TNS3: variants seen among roughly 807,000 people sequenced by gnomAD.
TNS3 encodes tensin 3, also known as tensin-3.
TNS3 carries 45 observed loss-of-function variants against 140.9 expected under a neutral mutation model. The ratio of observed to expected loss-of-function variants is 0.32; its 90% CI spans 0.25 to 0.41. The LOEUF (loss-of-function observed/expected upper bound fraction) is 0.41, where lower values mean the gene tolerates loss of function less well. Ranked by LOEUF, TNS3 falls within the 10% of genes least tolerant of loss-of-function variation. TNS3 has a pLI of 1.00. For missense variants in TNS3, 1,716 were observed against 1,906.7 expected (o/e 0.90, Z 1.86); for synonymous variants, 815 against 788.4 (o/e 1.03, Z -0.56).
intron 20 of TNS3, among the ~76,000 whole-genome samples, chr7:47,339,211 A>C (rs1055979459): frequency 2.6e-5 from 4 of 152,210 alleles, no homozygotes; most frequent in African/African-American, 7.2e-5. Flanking sequence ...TAATTTTTAT[A>C]AAGTCTAATT....
At chr7:47,303,713 G>C in intron 21 of TNS3, 129 bp from the exon 22 acceptor site, 1 of 1,181,952 alleles carries the variant, frequency 8.5e-7, no homozygotes, top group Non-Finnish European at 1.2e-6. Context: ...GGCAGCACAG[G>C]AGGTATTTTC....
In TNS3 at chr7:47,278,420, C is replaced by A. The variant is rs1215980359; in HGVS notation, c.4194-200G>T. ...ACAGACCTACAGATGGGATGTCTGA[C>A]TCTAGCTCTGCAGTGAGGACCCTGA... is the stretch of plus-strand genomic sequence containing the variant. On this transcript the variant is annotated intron_variant, in intron 30 of 30. Coordinates refer to ENST00000311160, the MANE Select transcript of TNS3 (RefSeq NM_022748.12). The A allele has an allele frequency of 5.0e-6, 3 of 604,664 alleles. No homozygotes were observed. The African/African-American group carries it at 5.6e-5, about 11-fold the overall frequency. 37.5% of individuals were successfully genotyped at this position (604,664 alleles called of 1,614,324 possible). A position where few individuals can be genotyped will look rare whatever the true frequency, so the allele number is the denominator to read the frequency against.
intron 20 of TNS3, among the ~76,000 whole-genome samples, chr7:47,332,693 G>A (rs902229766): frequency 5.9e-5 from 9 of 152,240 alleles, no homozygotes; most frequent in African/African-American, 1.7e-4. Flanking sequence ...CGTATTCACA[G>A]GCTGAAATTT....
At chr7:47,381,282 C>G (rs1791743317) in intron 16 of TNS3, among the ~76,000 whole-genome samples, 1 of 152,232 alleles carries the variant, frequency 6.6e-6, no homozygotes, top group Non-Finnish European at 1.5e-5. Flanking sequence ...GTCTCTCTGT[C>G]TTTTGTGCGG....
At chr7:47,515,524 C>G (rs1209918675) in intron 2 of TNS3, among the ~76,000 whole-genome samples, 1 of 151,646 alleles carries the variant, frequency 6.6e-6, no homozygotes, top group Non-Finnish European at 1.5e-5. Flanking sequence ...AACATAATCA[C>G]CAGTGCCATG....
intron 4 of TNS3, among the ~76,000 whole-genome samples, chr7:47,467,760 A>T (rs553185780): frequency 1.3e-4 from 20 of 152,258 alleles, no homozygotes; most frequent in Non-Finnish European, 2.5e-4. Context: ...CCATATTTGA[A>T]GATAAGAAAA....
chr7:47,573,606 C>T (rs1335725877), intron 1 of TNS3, among the ~76,000 whole-genome samples: 1 of 152,002 alleles, frequency 6.6e-6, no homozygotes, highest in Admixed American at 6.5e-5. Context: ...TCTGCAAAGT[C>T]GCCCAGGATT....
chr7:47,329,107 C>T (rs532807165), intron 20 of TNS3, among the ~76,000 whole-genome samples: 6 of 152,270 alleles, frequency 3.9e-5, no homozygotes, highest in African/African-American at 7.2e-5. Flanking sequence ...TCCCGTGACC[C>T]GAAATCTGAC....
chr7:47,419,675 C>T (rs578009004), intron 10 of TNS3, among the ~76,000 whole-genome samples: 1 of 152,332 alleles, frequency 6.6e-6, no homozygotes, highest in Non-Finnish European at 1.5e-5. Flanking sequence ...TCCTCAATTA[C>T]TGCTAGAGAT....
At chr7:47,568,609 G>C (rs1482969803) in intron 1 of TNS3, among the ~76,000 whole-genome samples, 1 of 152,246 alleles carries the variant, frequency 6.6e-6, no homozygotes, top group Non-Finnish European at 1.5e-5. Flanking sequence ...ATTCATGCCA[G>C]TTACTTCCCT....
intron 9 of TNS3, among the ~76,000 whole-genome samples, chr7:47,426,888 G>A (rs1299752607): frequency 2.6e-5 from 4 of 152,092 alleles, no homozygotes; most frequent in African/African-American, 9.7e-5. Flanking sequence ...CACTTTGGCA[G>A]GCCGAGGTGA....
intron 17 of TNS3, among the ~76,000 whole-genome samples, chr7:47,360,870 A>G (rs1167907911): frequency 2.0e-5 from 3 of 152,148 alleles, no homozygotes; most frequent in Admixed American, 2.0e-4. Context: ...CACAGTACGG[A>G]AATAACGACA....
chr7:47,491,443 G>A (rs139518101), intron 3 of TNS3, among the ~76,000 whole-genome samples: 183 of 152,202 alleles, frequency 1.2e-3, no homozygotes, highest in African/African-American at 4.2e-3. Flanking sequence ...GGGATAATAC[G>A]ACCTCGCGGG....
At chr7:47,487,159 C>T (rs551535561) in intron 3 of TNS3, among the ~76,000 whole-genome samples, 2 of 152,200 alleles carry the variant, frequency 1.3e-5, no homozygotes, top group South Asian at 4.1e-4. Flanking sequence ...CTTAGCAGGG[C>T]GTGGCGGCAC....
intron 20 of TNS3, among the ~76,000 whole-genome samples, chr7:47,329,733 G>T (rs1031285203): frequency 1.3e-5 from 2 of 152,158 alleles, no homozygotes; most frequent in African/African-American, 4.8e-5. Context: ...CCCAAGCAGA[G>T]AGGAAGGCGG....
chr7:47,420,615 G>A (rs1451031277), intron 10 of TNS3, among the ~76,000 whole-genome samples: 1 of 152,214 alleles, frequency 6.6e-6, no homozygotes, highest in Non-Finnish European at 1.5e-5. Flanking sequence ...AGGGGCACAA[G>A]ACATGGGAAG....
intron 4 of TNS3, among the ~76,000 whole-genome samples, chr7:47,474,647 C>A (rs1797106222): frequency 6.8e-6 from 1 of 147,248 alleles, no homozygotes; most frequent in Non-Finnish European, 1.5e-5. Context: ...ACACACACCA[C>A]AACACACACA....
At chr7:47,425,436 G>A (rs1794596598) in intron 9 of TNS3, among the ~76,000 whole-genome samples, 1 of 152,128 alleles carries the variant, frequency 6.6e-6, no homozygotes, top group South Asian at 2.1e-4. Context: ...TAAAAATCCT[G>A]GTAGAGAGAC....
chr7:47,474,114 C>A (rs1797066100), intron 4 of TNS3, among the ~76,000 whole-genome samples: 2 of 63,422 alleles, frequency 3.2e-5, no homozygotes, highest in Non-Finnish European at 6.0e-5. Context: ...CTGAGCAAGT[C>A]TCAACACACA....
Sources: allele counts gnomAD v4.1 joint callset (sites outside exome capture counted in the v4.1 genomes callset), GRCh38; gene constraint gnomAD v4.1.1; transcripts MANE v1.5; gene names NCBI Gene and HGNC (gene_info 2026-07-23, HGNC 2026-07-21).